Variants in KLHL13 observed in about 807,000 individuals in gnomAD.
The protein encoded by KLHL13 is kelch-like protein 13.
KLHL13 carries 10 observed loss-of-function variants against 37.1 expected under a neutral mutation model. The observed-to-expected ratio is 0.27, with a 90% confidence interval of 0.17 to 0.46. The LOEUF is 0.46. Among genes scored for constraint, KLHL13 ranks in the 20% least tolerant of loss-of-function variants. KLHL13 has a pLI of 1.00. For missense variants in KLHL13, 360 were observed against 509.3 expected, an observed-to-expected ratio of 0.71 and a Z score of 2.82; for synonymous variants, 163 against 181.2, an observed-to-expected ratio of 0.90 and a Z score of 0.81.
chrX:118,074,079 T>C (rs2054903073), intron 1 of KLHL13, among the ~76,000 whole-genome samples: 1 of 112,212 alleles, frequency 8.9e-6, no homozygotes, highest in Non-Finnish European at 1.9e-5. Context: ...TTGCTCATTA[T>C]AGTCACAGAT....
Position 117,921,620 on chromosome X carries a change from T to C in KLHL13, c.241-1250A>G, listed in dbSNP as rs775108652. ...AGAACCAACAGCATTGATTACTCTG[T>C]CCCCTTCATATTTTAATGACTTCAA... On this transcript the variant is annotated intron_variant, in intron 2 of 6. Coordinates refer to ENST00000262820, the Ensembl canonical transcript of KLHL13. 1.1e-3 allele frequency among the ~76,000 whole-genome samples: 126 copies of C among 112,037 alleles called. 1 individual carries two copies. Among genetic ancestry groups the C allele is most frequent in the African/African-American group, 4.0e-3 (123 of 30,905 alleles).
At chrX:118,101,470 TAAAG>T (rs1289828923) in intron 1 of KLHL13, among the ~76,000 whole-genome samples, 1 of 111,371 alleles carries the variant, frequency 9.0e-6, no homozygotes, top group African/African-American at 3.3e-5. Flanking sequence ...TACAGGTTGC[TAAAG>T]AGAGTCATGA....
At chrX:118,083,719 A>C (rs769522827) in intron 1 of KLHL13, among the ~76,000 whole-genome samples, 3 of 111,440 alleles carry the variant, frequency 2.7e-5, no homozygotes, top group African/African-American at 6.5e-5. Flanking sequence ...AGAGGATTTC[A>C]AATGTTCTCA....
chrX:118,029,029 A>T (rs182310806), intron 1 of KLHL13, among the ~76,000 whole-genome samples: 5 of 111,633 alleles, frequency 4.5e-5, no homozygotes, highest in Non-Finnish European at 9.4e-5. Flanking sequence ...TATCAAAAAA[A>T]CATAGTATAT....
At chrX:118,098,452 T>C (rs1459970753) in intron 1 of KLHL13, among the ~76,000 whole-genome samples, 1 of 110,454 alleles carries the variant, frequency 9.1e-6, no homozygotes, top group African/African-American at 3.3e-5. Context: ...TGTGGAGAAA[T>C]AGGAACACTT....
At chrX:117,964,623 C>CTTTA (rs1313550034) in intron 1 of KLHL13, among the ~76,000 whole-genome samples, 1 of 111,541 alleles carries the variant, frequency 9.0e-6, no homozygotes, top group Non-Finnish European at 1.9e-5. Context: ...TTTTAGGGTA[C>CTTTA]ATGTGCACAA....
At chrX:117,916,619 C>T (rs758079545) in intron 4 of KLHL13, among the ~76,000 whole-genome samples, 1 of 111,961 alleles carries the variant, frequency 8.9e-6, no homozygotes, top group South Asian at 3.7e-4. Context: ...CTAATACATA[C>T]ATGTTTTCTA....
intron 1 of KLHL13, among the ~76,000 whole-genome samples, chrX:118,106,832 C>G (rs2055352849): frequency 8.9e-6 from 1 of 112,178 alleles, no homozygotes; most frequent in Non-Finnish European, 1.9e-5. Context: ...TCCATTTAGA[C>G]TTATCCATTC....
chrX:118,026,856 G>A lies in KLHL13; in HGVS notation c.-55-81281C>T, dbSNP rs1050442240. On this transcript the variant is annotated intron_variant, in intron 1 of 6. Coordinates refer to the KLHL13 transcript ENST00000371882. ...TACCAAAACAATTACACATAGATCA[G>A]CTGCAGACAAGAAAAGAGCTTTCAA... 2.1e-4 allele frequency among the ~76,000 whole-genome samples: 24 copies of A among 111,725 alleles called. No homozygotes were observed. The East Asian group carries it at 2.5e-3, about 12-fold the overall frequency.
At chrX:118,105,975 T>C (rs957200635) in intron 1 of KLHL13, among the ~76,000 whole-genome samples, 1 of 100,886 alleles carries the variant, frequency 9.9e-6, no homozygotes, top group Non-Finnish European at 2.0e-5. Context: ...GATCTCAGCT[T>C]ACTGCAAGCT....
At chrX:118,072,232 G>A (rs1246768258) in intron 1 of KLHL13, among the ~76,000 whole-genome samples, 1 of 110,486 alleles carries the variant, frequency 9.1e-6, no homozygotes, top group Non-Finnish European at 1.9e-5. Context: ...AATGGGGAAA[G>A]GATTCCCTAT....
intron 5 of KLHL13, among the ~76,000 whole-genome samples, chrX:117,907,737 C>T (rs762110301): frequency 9.1e-6 from 1 of 109,860 alleles, no homozygotes; most frequent in South Asian, 3.9e-4. Flanking sequence ...CATGATCATG[C>T]GACATAGTCC....
At chrX:118,053,765 T>TTGTGTGTGTGTGTGTG (rs774059071) in intron 1 of KLHL13, among the ~76,000 whole-genome samples, 3 of 67,941 alleles carry the variant, frequency 4.4e-5, no homozygotes, top group African/African-American at 1.4e-4. Flanking sequence ...CAATCTCAAT[T>TTGTGTGTGTGTGTGTG]TGTGTGTGTG....
chrX:117,942,388 A>G (rs1933087150), intron 2 of KLHL13, among the ~76,000 whole-genome samples: 1 of 110,691 alleles, frequency 9.0e-6, no homozygotes, highest in Admixed American at 9.7e-5. Flanking sequence ...ATCCTTGTTA[A>G]TTTTCTGTCT....
chrX:118,112,874 C>G (rs1314200509), intron 1 of KLHL13, among the ~76,000 whole-genome samples: 1 of 111,666 alleles, frequency 9.0e-6, no homozygotes, highest in African/African-American at 3.3e-5. Flanking sequence ...AAGGTATGGC[C>G]ATTTGAAAAT....
chrX:117,927,190 G>A lies in KLHL13; in HGVS notation c.241-6820C>T, dbSNP rs761351514. ...GCTGGGATTACAGGCCTGAGCTACCGCGCCCGGCCACTTCTTTCTTAAAGA... is the reference window on the plus strand; with the variant it reads ...GCTGGGATTACAGGCCTGAGCTACCACGCCCGGCCACTTCTTTCTTAAAGA... On this transcript the variant is annotated intron_variant, in intron 2 of 6. Transcript: ENST00000262820. Among the ~76,000 whole-genome samples, 110 of 110,589 alleles carry A rather than the reference G, an allele frequency of 9.9e-4. 1 individual carries two copies. Among genetic ancestry groups the A allele is most frequent in the Non-Finnish European group, 1.3e-3 (66 of 52,784 alleles).
At chrX:118,047,792 AT>A (rs1049111269) in intron 1 of KLHL13, among the ~76,000 whole-genome samples, 1 of 111,197 alleles carries the variant, frequency 9.0e-6, no homozygotes, top group Admixed American at 9.6e-5. Context: ...TTAATCCTGT[AT>A]TTTTTTTGCT....
chrX:118,009,997 C>G (rs2054041362), intron 1 of KLHL13, among the ~76,000 whole-genome samples: 1 of 110,684 alleles, frequency 9.0e-6, no homozygotes, highest in Non-Finnish European at 1.9e-5. Context: ...AAATGCTCAT[C>G]ATCACTGGCC....
intron 1 of KLHL13, among the ~76,000 whole-genome samples, chrX:118,058,988 G>A (rs909001810): frequency 9.0e-6 from 1 of 111,488 alleles, no homozygotes; most frequent in African/African-American, 3.3e-5. Context: ...AATCTGTTTG[G>A]CCAACTGGTT....
Sources: gnomAD v4.1 joint callset for allele counts (sites outside exome capture counted in the v4.1 genomes callset) on GRCh38, gnomAD v4.1.1 for gene constraint, MANE v1.5 for transcripts, NCBI Gene and HGNC (gene_info 2026-07-23, HGNC 2026-07-21) for gene names.